The following IKZF2 variants were observed in gnomAD, a reference collection of about 807,000 sequenced individuals.
IKZF2 encodes the protein zinc finger protein Helios.
A neutral mutation model predicts 49.2 loss-of-function variants in IKZF2; 15 were observed. That is an observed-to-expected ratio of 0.30 (90% confidence interval 0.20 to 0.47). The LOEUF is 0.47. IKZF2 is among the 20% of genes least tolerant of loss of function. The pLI is 1.00. For synonymous variants in IKZF2, 227 were observed against 221.4 expected (o/e 1.03, Z -0.23); for missense variants, 567 against 664.6 (o/e 0.85, Z 1.61).
chr2:213,139,380 A>G (rs1411582258), intron 4 of IKZF2, among the ~76,000 whole-genome samples: 1 of 151,990 alleles, frequency 6.6e-6, no homozygotes, highest in Non-Finnish European at 1.5e-5. Flanking sequence ...TGCTGAATAT[A>G]TTAGGTTCTC....
chr2:213,147,624 G>C (rs1322168833), intron 4 of IKZF2, 84 bp downstream of exon 4: 1 of 943,008 alleles, frequency 1.1e-6, no homozygotes, highest in Non-Finnish European at 1.8e-6. Flanking sequence ...CACAATGTGA[G>C]AGGACCCCAC....
At chr2:213,065,727 C>A (rs1374467184) in intron 4 of IKZF2, among the ~76,000 whole-genome samples, 1 of 151,934 alleles carries the variant, frequency 6.6e-6, no homozygotes, top group African/African-American at 2.4e-5. Context: ...TCAATTCATA[C>A]AAATATTGAG....
Position 213,003,504 on chromosome 2 carries a change from C to T in IKZF2, c.*3856G>A, listed in dbSNP as rs1469911041. On this transcript the variant is annotated 3_prime_UTR_variant, in exon 9 of 9. Coordinates refer to ENST00000434687, the MANE Select transcript of IKZF2 (RefSeq NM_001387220.1). ...ACGTGAACAATCCAAAGTTAAAAAACAAATCATGTAGCTAGTACCTCTGAC... is the reference window on the plus strand; with the variant it reads ...ACGTGAACAATCCAAAGTTAAAAAATAAATCATGTAGCTAGTACCTCTGAC... 2.6e-5 allele frequency: 4 copies of T among 151,522 alleles called. No individual in the cohort carries two copies. The East Asian group carries it at 5.8e-4, about 22-fold the overall frequency. The allele number at this position is 151,522 out of a possible 1,614,324, so 9.4% of individuals were successfully genotyped here. A position where few individuals can be genotyped will look rare whatever the true frequency, so the allele number is the denominator to read the frequency against.
intron 4 of IKZF2, among the ~76,000 whole-genome samples, chr2:213,068,721 T>G (rs1375926234): frequency 6.6e-6 from 1 of 152,108 alleles, no homozygotes; most frequent in African/African-American, 2.4e-5. Flanking sequence ...GGTAAAAGCA[T>G]GTTTAAATGT....
intron 6 of IKZF2, among the ~76,000 whole-genome samples, chr2:213,034,575 T>C (rs955716580): frequency 4.6e-5 from 7 of 152,170 alleles, no homozygotes; most frequent in Admixed American, 6.5e-5. Flanking sequence ...AACTGGCCAG[T>C]TGGTGAAGCA....
chr2:213,061,746 A>T (rs1701713319), intron 4 of IKZF2, among the ~76,000 whole-genome samples: 1 of 151,590 alleles, frequency 6.6e-6, no homozygotes, highest in Non-Finnish European at 1.5e-5. Context: ...AAAGCAAAAA[A>T]AATACTATTA....
chr2:213,098,399 T>G (rs971916997), intron 4 of IKZF2, among the ~76,000 whole-genome samples: 8 of 152,088 alleles, frequency 5.3e-5, no homozygotes, highest in Non-Finnish European at 1.2e-4. Context: ...TATTTAAACA[T>G]ATTGAGGCAC....
chr2:213,035,464 CT>C (rs1698923818), intron 6 of IKZF2, among the ~76,000 whole-genome samples: 1 of 152,104 alleles, frequency 6.6e-6, no homozygotes. Context: ...CTGATTCAAG[CT>C]TTTTATTAAG....
intron 4 of IKZF2, among the ~76,000 whole-genome samples, chr2:213,093,122 C>T (rs139590941): frequency 6.6e-6 from 1 of 152,160 alleles, no homozygotes; most frequent in Non-Finnish European, 1.5e-5. Flanking sequence ...TAAATATCTG[C>T]TCTTCTCCCC....
intron 4 of IKZF2, among the ~76,000 whole-genome samples, chr2:213,101,021 AAGAG>A (rs1338625422): frequency 6.6e-6 from 1 of 151,824 alleles, no homozygotes; most frequent in East Asian, 1.9e-4. Context: ...CCATGGTAGA[AAGAG>A]AGAGAGAAAG....
chr2:213,130,244 A>C (rs1411195227), intron 4 of IKZF2, among the ~76,000 whole-genome samples: 1 of 152,192 alleles, frequency 6.6e-6, no homozygotes, highest in Non-Finnish European at 1.5e-5. Context: ...TAAAAACAGA[A>C]ACTCAGAAAC....
chr2:213,057,971 C>T (rs1701324316), intron 4 of IKZF2, among the ~76,000 whole-genome samples: 1 of 152,104 alleles, frequency 6.6e-6, no homozygotes, highest in Non-Finnish European at 1.5e-5. Flanking sequence ...AGAGTCTTTT[C>T]ATAAAGCAGA....
chr2:213,125,085 T>C (rs559125381), intron 4 of IKZF2, among the ~76,000 whole-genome samples: 1 of 152,344 alleles, frequency 6.6e-6, no homozygotes, highest in East Asian at 1.9e-4. Context: ...TGAACTGCTA[T>C]GCTAAATACT....
intron 4 of IKZF2, among the ~76,000 whole-genome samples, chr2:213,128,010 T>C (rs183010453): frequency 1.3e-5 from 2 of 152,286 alleles, no homozygotes; most frequent in Admixed American, 6.5e-5. Flanking sequence ...AAGTTACCAT[T>C]ATAAAATAAA....
chr2:213,069,927 T>C (rs1362191373), intron 4 of IKZF2, among the ~76,000 whole-genome samples: 1 of 152,146 alleles, frequency 6.6e-6, no homozygotes, highest in Non-Finnish European at 1.5e-5. Flanking sequence ...TATTTCTAAG[T>C]AGATTAAACC....
In IKZF2 at chr2:213,002,621, T is replaced by C. The variant is rs1383414872; in HGVS notation, c.*4739A>G. The C allele has an allele frequency of 6.6e-6, 1 of 151,938 alleles. No homozygotes were observed. The highest frequency in any genetic ancestry group is 1.9e-4 in the East Asian group (1 of 5,168). The allele number at this position is 151,938 out of a possible 1,614,324, so 9.4% of individuals were successfully genotyped here. A position where few individuals can be genotyped will look rare whatever the true frequency, so the allele number is the denominator to read the frequency against. On this transcript the variant is annotated 3_prime_UTR_variant, in exon 9 of 9. Transcript: ENST00000434687. Reference sequence around the variant, plus strand: ...CATTGCAAGTAATACACAACCATGATATGAAACCATTTGAGATTATGCTTT... The same window carrying C: ...CATTGCAAGTAATACACAACCATGACATGAAACCATTTGAGATTATGCTTT...
chr2:213,055,437 C>T (rs980224369), intron 5 of IKZF2, among the ~76,000 whole-genome samples: 11 of 150,138 alleles, frequency 7.3e-5, no homozygotes, highest in African/African-American at 1.7e-4. Context: ...TTTAAAACAT[C>T]GTGCTGTTTA....
At chr2:213,137,425 A>G (rs1388574473) in intron 4 of IKZF2, among the ~76,000 whole-genome samples, 1 of 152,148 alleles carries the variant, frequency 6.6e-6, no homozygotes, top group Non-Finnish European at 1.5e-5. Context: ...AAAAATGATT[A>G]GGTACCACCT....
intron 4 of IKZF2, among the ~76,000 whole-genome samples, chr2:213,123,166 T>C (rs1050463780): frequency 6.6e-6 from 1 of 152,226 alleles, no homozygotes; most frequent in Non-Finnish European, 1.5e-5. Flanking sequence ...CACCTAGGAA[T>C]CTTTCTTAAG....
Sources: allele counts gnomAD v4.1 joint callset (sites outside exome capture counted in the v4.1 genomes callset), GRCh38; gene constraint gnomAD v4.1.1; transcripts MANE v1.5; gene names NCBI Gene and HGNC (gene_info 2026-07-23, HGNC 2026-07-21).